Variants in XYLT1 observed in about 807,000 individuals in gnomAD.
XYLT1 encodes xylosyltransferase 1.
In XYLT1, 36 loss-of-function variants were observed where a neutral mutation model predicts 91.3. That is an observed-to-expected ratio of 0.39 (90% confidence interval 0.30 to 0.52). XYLT1 has a LOEUF of 0.52. XYLT1 is among the 20% of genes least tolerant of loss of function. The pLI is 0.68. For synonymous variants in XYLT1, 588 were observed against 532.0 expected (o/e 1.11, Z -1.45); for missense variants, 1,242 against 1,284.5 (o/e 0.97, Z 0.51).
chr16:17,380,438 T>G lies in XYLT1; in HGVS notation c.364-22388A>C, dbSNP rs529904271. Among the ~76,000 whole-genome samples the G allele has an allele frequency of 2.0e-3, 311 of 152,346 alleles. 2 individuals are homozygous for G. Among genetic ancestry groups the G allele is most frequent in the South Asian group, 0.014 (66 of 4,830 alleles). Reference sequence around the variant, plus strand: ...ATATACAAGAAATTGTTAGCAATGATTCCTTTAAAGACAGAGACTGGAAAA... The same window carrying G: ...ATATACAAGAAATTGTTAGCAATGAGTCCTTTAAAGACAGAGACTGGAAAA... On this transcript the variant is annotated intron_variant, in intron 1 of 11. Transcript: ENST00000261381.
chr16:17,229,547 A>G (rs957751770), intron 3 of XYLT1, among the ~76,000 whole-genome samples: 1 of 152,200 alleles, frequency 6.6e-6, no homozygotes, highest in Non-Finnish European at 1.5e-5. Flanking sequence ...TACCCATGTA[A>G]GGTCAATGAG....
chr16:17,279,606 T>A (rs1276206805), intron 2 of XYLT1, among the ~76,000 whole-genome samples: 1 of 152,152 alleles, frequency 6.6e-6, no homozygotes, highest in Non-Finnish European at 1.5e-5. Flanking sequence ...AACAAGTGTG[T>A]CATTTTGGAT....
intron 3 of XYLT1, among the ~76,000 whole-genome samples, chr16:17,221,862 G>T (rs1235540839): frequency 6.6e-6 from 1 of 152,168 alleles, no homozygotes; most frequent in African/African-American, 2.4e-5. Context: ...CTCAACACAT[G>T]GATCCCAAAA....
chr16:17,159,764 C>T (rs1013214527), intron 5 of XYLT1, among the ~76,000 whole-genome samples: 9 of 152,238 alleles, frequency 5.9e-5, no homozygotes, highest in African/African-American at 1.9e-4. Flanking sequence ...TTATCCCCAT[C>T]AATCTCAGCA....
At chr16:17,280,627 C>T (rs1018478329) in intron 2 of XYLT1, among the ~76,000 whole-genome samples, 5 of 152,206 alleles carry the variant, frequency 3.3e-5, no homozygotes, top group African/African-American at 1.2e-4. Context: ...TTCCTCCCAG[C>T]TTTCAACCAC....
intron 6 of XYLT1, among the ~76,000 whole-genome samples, chr16:17,152,686 G>C (rs1341092993): frequency 6.6e-6 from 1 of 152,232 alleles, no homozygotes; most frequent in African/African-American, 2.4e-5. Flanking sequence ...AGGGGAGCTA[G>C]GGAGGCAGCT....
intron 5 of XYLT1, among the ~76,000 whole-genome samples, chr16:17,178,686 C>T (rs7197476): frequency 0.46 from 69,361 of 152,090 alleles, 18,188 homozygotes; most frequent in African/African-American, 0.7. Flanking sequence ...TGTCTATGGC[C>T]GCCTTAGTAT....
At chr16:17,311,120 C>T (rs534710989) in intron 2 of XYLT1, among the ~76,000 whole-genome samples, 7 of 152,218 alleles carry the variant, frequency 4.6e-5, no homozygotes, top group South Asian at 2.1e-4. Context: ...CAAATTTACC[C>T]GGTGTTTAAA....
At chr16:17,428,672 CA>C (rs2036349123) in intron 1 of XYLT1, among the ~76,000 whole-genome samples, 1 of 152,202 alleles carries the variant, frequency 6.6e-6, no homozygotes, top group Non-Finnish European at 1.5e-5. Context: ...GCCCACTCAC[CA>C]ACTGACATCC....
At chr16:17,434,612 T>A (rs921769143) in intron 1 of XYLT1, among the ~76,000 whole-genome samples, 3 of 152,018 alleles carry the variant, frequency 2.0e-5, no homozygotes, top group African/African-American at 7.3e-5. Context: ...ATCCCAAAAC[T>A]TGGGGAGGCC....
At chr16:17,198,119 G>T in intron 5 of XYLT1, 93 bp downstream of exon 5, 2 of 1,273,264 alleles carry the variant, frequency 1.6e-6, no homozygotes, top group Non-Finnish European at 2.3e-6. Flanking sequence ...TGGAGACTAT[G>T]CATCAGTCTC....
In XYLT1 at chr16:17,330,182, C is replaced by A. The variant is rs556122462; in HGVS notation, c.402+27830G>T. On this transcript the variant is annotated intron_variant, in intron 2 of 11. Transcript: ENST00000261381. ...CAGGAGCCATATCTGACACAAAGCA[C>A]TTGCTCATTACAAAACTGTGTGTTC... Among the ~76,000 whole-genome samples the A allele has an allele frequency of 7.9e-5, 12 of 151,734 alleles. No homozygotes were observed. In the East Asian group the frequency reaches 2.3e-3, roughly 29 times the overall value.
intron 2 of XYLT1, among the ~76,000 whole-genome samples, chr16:17,322,270 A>T (rs1295964300): frequency 6.6e-6 from 1 of 152,140 alleles, no homozygotes; most frequent in Non-Finnish European, 1.5e-5. Flanking sequence ...ACCCCAACAG[A>T]TTAATGATGC....
intron 2 of XYLT1, among the ~76,000 whole-genome samples, chr16:17,304,364 T>C (rs535502230): frequency 1.3e-5 from 2 of 152,100 alleles, no homozygotes; most frequent in Non-Finnish European, 2.9e-5. Context: ...GTGTGTCTTT[T>C]TTTCCCCCTC....
chr16:17,266,868 G>A (rs1048989518), intron 2 of XYLT1, among the ~76,000 whole-genome samples: 9 of 152,202 alleles, frequency 5.9e-5, no homozygotes, highest in African/African-American at 1.2e-4. Context: ...GTAGGCGAAC[G>A]GTGGAAGCAC....
rs558763988 is a variant in XYLT1 at position 17,375,758 on chromosome 16, T to C, written c.364-17708A>G. Among the ~76,000 whole-genome samples, 15 of 152,378 alleles carry C rather than the reference T, an allele frequency of 9.8e-5. No individual in the cohort carries two copies. The South Asian group carries it at 1.9e-3, about 19-fold the overall frequency. On this transcript the variant is annotated intron_variant, in intron 1 of 11. Transcript: ENST00000261381. ...CCACCGGCCAGGTGGATGGGTCTGC[T>C]GTTGGGACAGGCAGCCTGGAACCAC...
chr16:17,465,828 G>C (rs1268037064), intron 1 of XYLT1, among the ~76,000 whole-genome samples: 1 of 152,126 alleles, frequency 6.6e-6, no homozygotes, highest in Non-Finnish European at 1.5e-5. Flanking sequence ...ACTGATTAAG[G>C]AACAGGCCCA....
chr16:17,321,079 G>T (rs140154297), intron 2 of XYLT1, among the ~76,000 whole-genome samples: 3 of 152,052 alleles, frequency 2.0e-5, no homozygotes, highest in African/African-American at 7.2e-5. Flanking sequence ...CAACTCTGAG[G>T]CCCATTGGAA....
At chr16:17,444,591 C>G (rs986042942) in intron 1 of XYLT1, among the ~76,000 whole-genome samples, 3 of 151,946 alleles carry the variant, frequency 2.0e-5, no homozygotes, top group African/African-American at 7.3e-5. Flanking sequence ...AAGTGATCCT[C>G]CCGCCTTGGC....
Sources: allele counts gnomAD v4.1 joint callset (sites outside exome capture counted in the v4.1 genomes callset), GRCh38; gene constraint gnomAD v4.1.1; transcripts MANE v1.5; gene names NCBI Gene and HGNC (gene_info 2026-07-23, HGNC 2026-07-21).